Variants in NKAIN2 observed in about 807,000 individuals in gnomAD.
NKAIN2 encodes the protein sodium/potassium transporting ATPase interacting 2.
NKAIN2 carries 14 observed loss-of-function variants against 32.6 expected under a neutral mutation model. The observed-to-expected ratio is 0.43, with a 90% confidence interval of 0.28 to 0.67. NKAIN2 has a LOEUF of 0.67. Ranked by LOEUF, NKAIN2 falls within the 30% of genes least tolerant of loss-of-function variation. The probability of loss-of-function intolerance (pLI) is 0.17; values close to 1 mark genes in which losing one functional copy is unlikely to be tolerated. For synonymous variants in NKAIN2, 80 were observed against 87.2 expected (o/e 0.92, Z 0.46); for missense variants, 198 against 258.3 (o/e 0.77, Z 1.60).
At chr6:124,451,162 C>T (rs1776092360) in intron 3 of NKAIN2, among the ~76,000 whole-genome samples, 1 of 152,032 alleles carries the variant, frequency 6.6e-6, no homozygotes, top group African/African-American at 2.4e-5. Flanking sequence ...AAAGAAAAGC[C>T]AAGTGCATTA....
intron 4 of NKAIN2, among the ~76,000 whole-genome samples, chr6:124,712,704 G>A (rs563564380): frequency 2.6e-4 from 39 of 149,974 alleles, no homozygotes; most frequent in African/African-American, 7.1e-4. Flanking sequence ...CCCACTGACC[G>A]GCACTCCCTA....
At chr6:123,872,794 T>C (rs1772962602) in intron 1 of NKAIN2, among the ~76,000 whole-genome samples, 1 of 152,222 alleles carries the variant, frequency 6.6e-6, no homozygotes, top group Non-Finnish European at 1.5e-5. Context: ...GAGATGTTTT[T>C]AAATGCTTGA....
intron 5 of NKAIN2, among the ~76,000 whole-genome samples, chr6:124,796,673 C>T (rs1289755383): frequency 2.6e-5 from 4 of 152,150 alleles, no homozygotes; most frequent in Non-Finnish European, 1.5e-5. Flanking sequence ...AGCTTCTCAC[C>T]AGGATAAAAG....
chr6:124,220,310 A>T (rs1302397919), intron 1 of NKAIN2, among the ~76,000 whole-genome samples: 2 of 152,046 alleles, frequency 1.3e-5, no homozygotes, highest in Non-Finnish European at 2.9e-5. Context: ...TCATTTCCTG[A>T]AGCCTCCCCA....
intron 3 of NKAIN2, among the ~76,000 whole-genome samples, chr6:124,580,219 A>G (rs1781471930): frequency 6.6e-6 from 1 of 152,218 alleles, no homozygotes; most frequent in Non-Finnish European, 1.5e-5. Context: ...TACTTGTAGC[A>G]TGTAAACTAC....
At chr6:124,678,251 A>G (rs1773453920) in intron 4 of NKAIN2, among the ~76,000 whole-genome samples, 1 of 152,026 alleles carries the variant, frequency 6.6e-6, no homozygotes. Context: ...CCATTTCCTT[A>G]CCTAGATTTA....
chr6:124,281,520 A>G (rs1055280969), intron 1 of NKAIN2, among the ~76,000 whole-genome samples: 2 of 152,196 alleles, frequency 1.3e-5, no homozygotes, highest in East Asian at 1.9e-4. Context: ...AGAATATTGC[A>G]TTCCACTATT....
intron 1 of NKAIN2, among the ~76,000 whole-genome samples, chr6:124,246,210 C>G (rs1793386637): frequency 1.3e-5 from 2 of 152,180 alleles, no homozygotes; most frequent in South Asian, 4.1e-4. Context: ...TCCATTCTTA[C>G]TGCAGTTCTT....
At chr6:124,249,752 G>A (rs1793607343) in intron 1 of NKAIN2, among the ~76,000 whole-genome samples, 1 of 151,978 alleles carries the variant, frequency 6.6e-6, no homozygotes, top group African/African-American at 2.4e-5. Flanking sequence ...CTTGTGTCCT[G>A]GAGTTTCTTC....
intron 3 of NKAIN2, among the ~76,000 whole-genome samples, chr6:124,522,630 G>C (rs1002940613): frequency 6.6e-6 from 1 of 152,078 alleles, no homozygotes; most frequent in Non-Finnish European, 1.5e-5. Context: ...AGAAAACTAG[G>C]AAGACACAAA....
At chr6:124,637,961 G>T (rs1783834758) in intron 3 of NKAIN2, among the ~76,000 whole-genome samples, 1 of 151,968 alleles carries the variant, frequency 6.6e-6, no homozygotes, top group African/African-American at 2.4e-5. Flanking sequence ...GCAATTCTGG[G>T]GAAAACAAAC....
chr6:123,926,635 A>T (rs369028606), intron 1 of NKAIN2, among the ~76,000 whole-genome samples: 1 of 152,168 alleles, frequency 6.6e-6, no homozygotes, highest in Non-Finnish European at 1.5e-5. Context: ...GAGATATTGC[A>T]TAAGTTTTGC....
At chr6:124,555,751 C>T (rs560529734) in intron 3 of NKAIN2, among the ~76,000 whole-genome samples, 1 of 152,194 alleles carries the variant, frequency 6.6e-6, no homozygotes, top group Non-Finnish European at 1.5e-5. Context: ...GATTATTACA[C>T]TTGCATTATC....
intron 1 of NKAIN2, among the ~76,000 whole-genome samples, chr6:123,884,880 T>C (rs1055321877): frequency 3.3e-5 from 5 of 152,192 alleles, no homozygotes; most frequent in African/African-American, 1.2e-4. Flanking sequence ...TCAGTCATTT[T>C]AACAGTGTCT....
intron 4 of NKAIN2, among the ~76,000 whole-genome samples, chr6:124,687,379 A>T (rs1188559233): frequency 7.8e-6 from 1 of 127,924 alleles, no homozygotes; most frequent in Non-Finnish European, 1.7e-5. Flanking sequence ...ACATACATGG[A>T]ATATATATAT....
intron 3 of NKAIN2, among the ~76,000 whole-genome samples, chr6:124,379,125 G>GAA: frequency 1.3e-5 from 1 of 75,796 alleles, no homozygotes; most frequent in Non-Finnish European, 2.8e-5. Context: ...GGAGAGGGGA[G>GAA]GGGAGGAGAG....
At chr6:123,994,592 G>A (rs977979435) in intron 1 of NKAIN2, among the ~76,000 whole-genome samples, 2 of 152,140 alleles carry the variant, frequency 1.3e-5, no homozygotes, top group Non-Finnish European at 2.9e-5. Flanking sequence ...AGTAGTTACA[G>A]TAACTGGTGC....
rs142017827 is a variant in NKAIN2 at position 123,998,810 on chromosome 6, CATATAT to C, written c.54+194571_54+194576del. ...TATATATATAGGGTGATGGTATATA[CATATAT>C]ATATATATATATATGGTGATGGTAT... On this transcript the variant is annotated intron_variant, in intron 1 of 6. Transcript: ENST00000368417. Among the ~76,000 whole-genome samples the C allele has an allele frequency of 6.3e-5, 8 of 127,768 alleles. 1 individual carries two copies. The highest frequency in any genetic ancestry group is 4.7e-4 in the East Asian group (2 of 4,256). 83.8% of individuals were successfully genotyped at this position (127,768 alleles called of 152,430 possible). A position where few individuals can be genotyped will look rare whatever the true frequency, so the allele number is the denominator to read the frequency against.
intron 4 of NKAIN2, chr6:124,658,928 A>T (rs528805769): frequency 4.7e-5 from 7 of 148,000 alleles, no homozygotes; most frequent in African/African-American, 1.8e-4. Flanking sequence ...TAAGACATTC[A>T]TGCCCCCATT....
Sources: allele counts gnomAD v4.1 joint callset (sites outside exome capture counted in the v4.1 genomes callset), GRCh38; gene constraint gnomAD v4.1.1; transcripts MANE v1.5; gene names NCBI Gene and HGNC (gene_info 2026-07-23, HGNC 2026-07-21).